The following STX8 variants were observed in gnomAD, a reference collection of about 807,000 sequenced individuals.
STX8 encodes the protein syntaxin-8.
Under a neutral mutation model 37.5 loss-of-function variants are expected in STX8, and 23 were observed. The ratio of observed to expected loss-of-function variants is 0.61; its 90% confidence interval spans 0.44 to 0.87. STX8 has a LOEUF of 0.87. Ranked by LOEUF, STX8 falls within the 40% of genes least tolerant of loss-of-function variation. The pLI, the probability that STX8 is intolerant of heterozygous loss-of-function variation, is 0.00. For missense variants in STX8, 313 were observed against 284.7 expected, an observed-to-expected ratio of 1.10 and a Z score of -0.71; for synonymous variants, 115 against 99.1, an observed-to-expected ratio of 1.16 and a Z score of -0.95.
At chr17:9,520,101 A>C (rs570762761) in intron 4 of STX8, among the ~76,000 whole-genome samples, 1 of 152,224 alleles carries the variant, frequency 6.6e-6, no homozygotes, top group Non-Finnish European at 1.5e-5. Context: ...AGAGCCTCGG[A>C]ATATGCCAGA....
At chr17:9,536,592 TCCTC>T (rs921939949) in intron 4 of STX8, among the ~76,000 whole-genome samples, 5 of 152,076 alleles carry the variant, frequency 3.3e-5, no homozygotes, top group African/African-American at 1.2e-4. Flanking sequence ...TCCTTTGTCC[TCCTC>T]CCTGAATGCT....
rs978969953 is a variant in STX8 at position 9,401,216 on chromosome 17, G to C, written c.542-22563C>G. The stretch of plus-strand genomic sequence containing the variant: ...CTAAAAATAATTAGAGATTGAGAAA[G>C]TCTAGAATGCTATTTCTGGGTTCTT... On this transcript the variant is annotated intron_variant, in intron 6 of 7. Transcript: ENST00000306357. 9.5e-4 allele frequency among the ~76,000 whole-genome samples: 145 copies of C among 152,290 alleles called. 1 individual carries two copies. The highest frequency in any genetic ancestry group is 3.2e-3 in the African/African-American group (135 of 41,560).
chr17:9,464,548 CTG>C (rs1567572404), intron 6 of STX8, among the ~76,000 whole-genome samples: 1 of 152,142 alleles, frequency 6.6e-6, no homozygotes, highest in Non-Finnish European at 1.5e-5. Context: ...TACTTAAACA[CTG>C]AGATTTCTGC....
intron 5 of STX8, among the ~76,000 whole-genome samples, chr17:9,497,610 G>A (rs994890410): frequency 7.0e-6 from 1 of 142,196 alleles, no homozygotes; most frequent in East Asian, 2.0e-4. Context: ...ACTATTACAC[G>A]TTTGAAATTT....
At chr17:9,330,551 T>G (rs1909927789) in intron 7 of STX8, among the ~76,000 whole-genome samples, 1 of 152,214 alleles carries the variant, frequency 6.6e-6, no homozygotes, top group Admixed American at 6.5e-5. Flanking sequence ...CCCTACCACT[T>G]TTTTGTTGAT....
At chr17:9,545,611 C>T (rs369127411) in intron 3 of STX8, among the ~76,000 whole-genome samples, 10 of 152,176 alleles carry the variant, frequency 6.6e-5, no homozygotes, top group African/African-American at 1.7e-4. Context: ...GACAGAGTCT[C>T]GCTCTGTCGC....
chr17:9,355,708 C>T lies in STX8; in HGVS notation c.643+22844G>A, dbSNP rs553703983. On this transcript the variant is annotated intron_variant, in intron 7 of 7. Coordinates refer to ENST00000306357, the MANE Select transcript of STX8 (RefSeq NM_004853.3). The stretch of plus-strand genomic sequence containing the variant: ...TATTTTTAGTAGAGATGGGATTTCA[C>T]CATGTTGGTCAGGCTGGTCTCGAAC... Among the ~76,000 whole-genome samples, 4 of 152,124 alleles carry T rather than the reference C, an allele frequency of 2.6e-5. No homozygotes were observed. The East Asian group carries it at 7.7e-4, about 29-fold the overall frequency.
chr17:9,479,898 C>T (rs1906250272), intron 6 of STX8, among the ~76,000 whole-genome samples: 1 of 152,124 alleles, frequency 6.6e-6, no homozygotes, highest in Non-Finnish European at 1.5e-5. Context: ...ACTGACTGGC[C>T]TTCTCTCAAG....
At chr17:9,539,311 G>A (rs1410879116) in intron 4 of STX8, among the ~76,000 whole-genome samples, 5 of 149,744 alleles carry the variant, frequency 3.3e-5, no homozygotes, top group African/African-American at 7.7e-5. Flanking sequence ...GGATGGGGAA[G>A]AAAGAGAGGA....
intron 6 of STX8, among the ~76,000 whole-genome samples, chr17:9,449,875 T>C (rs138550014): frequency 6.6e-6 from 1 of 151,818 alleles, no homozygotes; most frequent in African/African-American, 2.4e-5. Flanking sequence ...TCCCAGTAAC[T>C]TGGGAGGCTG....
At chr17:9,342,606 G>A (rs1910400112) in intron 7 of STX8, among the ~76,000 whole-genome samples, 1 of 152,196 alleles carries the variant, frequency 6.6e-6, no homozygotes, top group African/African-American at 2.4e-5. Flanking sequence ...TCTTGTCTGG[G>A]TTTCAAGTGT....
intron 6 of STX8, among the ~76,000 whole-genome samples, chr17:9,446,010 G>A (rs1292378177): frequency 6.6e-6 from 1 of 151,682 alleles, no homozygotes; most frequent in Non-Finnish European, 1.5e-5. Context: ...TGATTTTTTT[G>A]TATTTTTAGT....
chr17:9,430,514 T>A (rs935812574), intron 6 of STX8, among the ~76,000 whole-genome samples: 1 of 152,048 alleles, frequency 6.6e-6, no homozygotes, highest in East Asian at 1.9e-4. Context: ...CTGAATGTCT[T>A]CCAGGTTCAT....
chr17:9,492,671 G>T (rs896543410), intron 5 of STX8, among the ~76,000 whole-genome samples: 1 of 152,110 alleles, frequency 6.6e-6, no homozygotes, highest in African/African-American at 2.4e-5. Context: ...GAACCAGCTG[G>T]GCACAGTGGC....
intron 6 of STX8, among the ~76,000 whole-genome samples, chr17:9,445,790 T>C (rs1230109060): frequency 2.0e-5 from 3 of 151,974 alleles, no homozygotes; most frequent in Non-Finnish European, 4.4e-5. Flanking sequence ...TTTTTGCACA[T>C]CTTTTCTATC....
At chr17:9,267,996 GAAAAAA>G (rs34300236) in intron 7 of STX8, among the ~76,000 whole-genome samples, 1 of 121,286 alleles carries the variant, frequency 8.2e-6, no homozygotes, top group African/African-American at 3.1e-5. Flanking sequence ...TGCCTAAAAA[GAAAAAA>G]AAAAAAAAAA....
At chr17:9,329,912 C>T (rs978117736) in intron 7 of STX8, among the ~76,000 whole-genome samples, 2 of 149,240 alleles carry the variant, frequency 1.3e-5, no homozygotes, top group African/African-American at 5.2e-5. Flanking sequence ...GCTCAGAGGG[C>T]CTAGGGTCAG....
At chr17:9,267,661 A>G (rs780024592) in intron 7 of STX8, among the ~76,000 whole-genome samples, 3 of 152,200 alleles carry the variant, frequency 2.0e-5, no homozygotes, top group Non-Finnish European at 2.9e-5. Flanking sequence ...CACTCAAAAA[A>G]TCCTCCAACA....
At chr17:9,297,785 AG>A (rs1056753218) in intron 7 of STX8, among the ~76,000 whole-genome samples, 4 of 152,178 alleles carry the variant, frequency 2.6e-5, no homozygotes, top group African/African-American at 4.8e-5. Context: ...TTGAGGCAGG[AG>A]AATCACTTGA....
Sources: gnomAD v4.1 joint callset for allele counts (sites outside exome capture counted in the v4.1 genomes callset) on GRCh38, gnomAD v4.1.1 for gene constraint, MANE v1.5 for transcripts, NCBI Gene and HGNC (gene_info 2026-07-23, HGNC 2026-07-21) for gene names.